Variants in OR1F1 observed in about 807,000 individuals in gnomAD.
OR1F1 encodes the protein olfactory receptor 1F1.
For missense variants in OR1F1, 493 were observed against 376.3 expected (o/e 1.31, Z -2.57); for synonymous variants, 184 against 156.7 (o/e 1.17, Z -1.30).
the OR1F1 span, among the ~76,000 whole-genome samples, chr16:3,196,354 A>G: frequency 6.6e-6 from 1 of 152,172 alleles, no homozygotes; most frequent in Non-Finnish European, 1.5e-5. Flanking sequence ...GGAGATGCTA[A>G]TCGGGGCCAT....
upstream of OR1F1, among the ~76,000 whole-genome samples, chr16:3,201,154 C>A (rs181129348): frequency 6.6e-6 from 1 of 152,324 alleles, no homozygotes; most frequent in Non-Finnish European, 1.5e-5. Flanking sequence ...GTCAGTGCTT[C>A]ATTCCTTTTT....
At chr16:3,189,132 A>C in the OR1F1 span, among the ~76,000 whole-genome samples, 6 of 152,180 alleles carry the variant, frequency 3.9e-5, no homozygotes, top group African/African-American at 1.4e-4. Context: ...GGAGGACCGG[A>C]GCCGGAGAAG....
the OR1F1 span, among the ~76,000 whole-genome samples, chr16:3,193,691 A>G: frequency 3.3e-5 from 5 of 152,052 alleles, no homozygotes; most frequent in Admixed American, 6.6e-5. Context: ...TCCACTTCCT[A>G]GGCTCAAGCG....
chr16:3,189,519 C>A, the OR1F1 span, among the ~76,000 whole-genome samples: 1 of 152,206 alleles, frequency 6.6e-6, no homozygotes, highest in Admixed American at 6.5e-5. Context: ...TTGAAATTGC[C>A]CCTTCCAGGC....
chr16:3,203,758 G>A (rs115744148), upstream of OR1F1, among the ~76,000 whole-genome samples: 1,544 of 152,180 alleles, frequency 0.01, 28 homozygotes, highest in African/African-American at 0.033. Flanking sequence ...GCGAGACTCC[G>A]TTTAAAAAAA....
At chr16:3,200,083 C>T (rs998325750), upstream of OR1F1, among the ~76,000 whole-genome samples, 1 of 151,560 alleles carries the variant, frequency 6.6e-6, no homozygotes, top group Non-Finnish European at 1.5e-5. Flanking sequence ...AGAGAGGGAA[C>T]TGAGGGCAGG....
downstream of OR1F1, among the ~76,000 whole-genome samples, chr16:3,205,747 A>G (rs1468050997): frequency 1.3e-5 from 2 of 152,172 alleles, no homozygotes; most frequent in East Asian, 3.8e-4. Context: ...AACACTTATA[A>G]TTTCTCATGC....
At chr16:3,188,630 G>A in the OR1F1 span, among the ~76,000 whole-genome samples, 1 of 152,144 alleles carries the variant, frequency 6.6e-6, no homozygotes, top group Non-Finnish European at 1.5e-5. Flanking sequence ...GCGGGGTGGG[G>A]GTCTCGGCCC....
At chr16:3,204,070 T>A (rs1467855127), upstream of OR1F1, among the ~76,000 whole-genome samples, 1 of 152,186 alleles carries the variant, frequency 6.6e-6, no homozygotes, top group East Asian at 1.9e-4. Context: ...GGCTCAGACT[T>A]CTGTAAACCT....
chr16:3,205,087 G>T, exon 1 of OR1F1: 2 of 1,614,062 alleles, frequency 1.2e-6, no homozygotes, highest in Non-Finnish European at 1.7e-6. Context: ...GTATACAGTA[G>T]TGACTCCCAT....
At chr16:3,199,524 T>A (rs551197892), upstream of OR1F1, among the ~76,000 whole-genome samples, 1 of 151,848 alleles carries the variant, frequency 6.6e-6, no homozygotes, top group Non-Finnish European at 1.5e-5. Context: ...GTGTTGATGG[T>A]CTCACTATGT....
the OR1F1 span, among the ~76,000 whole-genome samples, chr16:3,195,424 C>T: frequency 6.6e-6 from 1 of 151,698 alleles, no homozygotes; most frequent in African/African-American, 2.4e-5. Context: ...AAACAGGGCC[C>T]GGCGCGGTGG....
At chr16:3,199,963 C>T (rs1044314975), upstream of OR1F1, among the ~76,000 whole-genome samples, 6 of 151,478 alleles carry the variant, frequency 4.0e-5, no homozygotes, top group African/African-American at 1.5e-4. Flanking sequence ...TTGTGGTGAA[C>T]CGAGATCATG....
chr16:3,196,447 G>A, the OR1F1 span, among the ~76,000 whole-genome samples: 1 of 151,224 alleles, frequency 6.6e-6, no homozygotes, highest in African/African-American at 2.4e-5. Flanking sequence ...GCAGTGGTAC[G>A]ATTACAGCTC....
At chr16:3,204,808 T>C (rs1958183298) in exon 1 of OR1F1, 2 of 1,614,146 alleles carry the variant, frequency 1.2e-6, no homozygotes, top group Middle Eastern at 1.6e-4. Context: ...ACTGAAACTC[T>C]CCTGCTCAGA....
At chr16:3,206,393 T>C (rs752286186), downstream of OR1F1, among the ~76,000 whole-genome samples, 14 of 152,140 alleles carry the variant, frequency 9.2e-5, no homozygotes, top group Non-Finnish European at 1.6e-4. Context: ...AGGCATGTGA[T>C]CTTTGTTCTC....
chr16:3,205,210 T>A (rs1958191152), downstream of OR1F1: 1 of 1,532,526 alleles, frequency 6.5e-7, no homozygotes, highest in African/African-American at 1.4e-5. Flanking sequence ...CTGAATCTCA[T>A]TCCCAAGGAA....
chr16:3,189,500 C>G, the OR1F1 span, among the ~76,000 whole-genome samples: 2 of 152,246 alleles, frequency 1.3e-5, no homozygotes, highest in African/African-American at 4.8e-5. Context: ...CCGCCACACC[C>G]ATCCTCACTT....
the OR1F1 span, among the ~76,000 whole-genome samples, chr16:3,197,729 G>A: frequency 2.3e-5 from 3 of 129,974 alleles, no homozygotes; most frequent in South Asian, 2.8e-4. Context: ...GAGAAGGAGA[G>A]GGAGAGGGAG....
Sources: gnomAD v4.1 joint callset for allele counts (sites outside exome capture counted in the v4.1 genomes callset) on GRCh38, gnomAD v4.1.1 for gene constraint, MANE v1.5 for transcripts, NCBI Gene and HGNC (gene_info 2026-07-23, HGNC 2026-07-21) for gene names.